SH3GLB1: variants seen among roughly 807,000 people sequenced by gnomAD.
SH3GLB1 encodes SH3 domain containing GRB2 like, endophilin B1.
Under a neutral mutation model 42.0 loss-of-function variants are expected in SH3GLB1, and 17 were observed. The observed-to-expected ratio is 0.40, with a 90% CI of 0.28 to 0.61. The LOEUF is 0.61. Among genes scored for constraint, SH3GLB1 ranks in the 20% least tolerant of loss-of-function variants. SH3GLB1 has a pLI of 0.36. For synonymous variants in SH3GLB1, 132 were observed against 146.6 expected (o/e 0.90, Z 0.72); for missense variants, 355 against 426.3 (o/e 0.83, Z 1.47).
rs1656242579 is a variant in SH3GLB1, at chr1:86,745,186, T to G, written c.*1951T>G. 6.6e-6 allele frequency: 1 copy of G among 152,234 alleles called. No homozygotes were observed. Among genetic ancestry groups the G allele is most frequent in the Admixed American group, 6.5e-5 (1 of 15,284 alleles). 9.4% of individuals were successfully genotyped at this position (152,234 alleles called of 1,614,324 possible). On this transcript the variant is annotated 3_prime_UTR_variant, in exon 9 of 9. Transcript: ENST00000370558. ...CCAGTCTTCCTCACATATTGTGCTC[T>G]TTAAGCTTCAAATGAGATGTATAAC...
intron 3 of SH3GLB1, among the ~76,000 whole-genome samples, chr1:86,720,155 T>C (rs1654789781): frequency 6.6e-6 from 1 of 152,328 alleles, no homozygotes; most frequent in Non-Finnish European, 1.5e-5. Flanking sequence ...AGAATTCACA[T>C]CTTTTTTAGT....
rs182289439 is a variant in SH3GLB1, at chr1:86,735,350, A to G, written c.761+171A>G. On this transcript the variant is annotated intron_variant, in intron 7 of 8. Transcript: ENST00000370558. Reference sequence around the variant, plus strand: ...TTTTCTGAGGTAACAGAATATTTTGAGCTTTTCTGGCACAGAGGCATGTTA... The same window carrying G: ...TTTTCTGAGGTAACAGAATATTTTGGGCTTTTCTGGCACAGAGGCATGTTA... Among the ~76,000 whole-genome samples the G allele has an allele frequency of 4.1e-4, 62 of 152,270 alleles. No homozygotes were observed. In the East Asian group the frequency reaches 0.011, roughly 27 times the overall value.
intron 5 of SH3GLB1, 46 bp from the exon 6 acceptor site, chr1:86,734,556 G>A: frequency 7.3e-7 from 1 of 1,360,564 alleles, no homozygotes; most frequent in Non-Finnish European, 1.0e-6. Context: ...TATATAAGAT[G>A]GACTGAGTCT....
intron 5 of SH3GLB1, among the ~76,000 whole-genome samples, chr1:86,724,913 AAAATATATAATATATATGTGTGTG>A (rs1655105278): frequency 8.2e-6 from 1 of 122,478 alleles, no homozygotes; most frequent in African/African-American, 3.8e-5. Context: ...ATATATATAT[AAAATATATAATATATATGTGTGTG>A]TATATATATA....
At chr1:86,724,914 A>AT (rs1558315388) in intron 5 of SH3GLB1, among the ~76,000 whole-genome samples, 4 of 119,964 alleles carry the variant, frequency 3.3e-5, no homozygotes, top group African/African-American at 1.6e-4. Context: ...TATATATATA[A>AT]AATATATAAT....
intron 7 of SH3GLB1, among the ~76,000 whole-genome samples, chr1:86,736,456 C>T (rs536003352): frequency 4.6e-5 from 7 of 152,228 alleles, no homozygotes; most frequent in Non-Finnish European, 7.4e-5. Flanking sequence ...TATACAGGAG[C>T]ATTTACATAA....
At position 86,704,660 on chromosome 1, in the gene SH3GLB1, G is replaced by A. The variant is rs1384862675; in HGVS notation, c.-240G>A. ...CGCGGGGCCCATCGTCGACGTTAGC[G>A]GCCGTTCTCCGAGCCGACTGACCCA... On this transcript the variant is annotated 5_prime_UTR_variant, in exon 1 of 9. Coordinates refer to ENST00000370558, the MANE Select transcript of SH3GLB1 (RefSeq NM_016009.5). The A allele has an allele frequency of 1.9e-5, 7 of 368,942 alleles. No homozygotes were observed. The highest frequency in any genetic ancestry group is 3.5e-5 in the Non-Finnish European group (7 of 202,094). 22.9% of individuals were successfully genotyped at this position (368,942 alleles called of 1,614,324 possible).
intron 7 of SH3GLB1, among the ~76,000 whole-genome samples, 200 bp from the exon 8 acceptor site, chr1:86,742,008 A>G (rs1274415793): frequency 1.3e-5 from 2 of 152,194 alleles, no homozygotes; most frequent in Admixed American, 1.3e-4. Flanking sequence ...TTATATTTGA[A>G]TACCACCTGA....
intron 7 of SH3GLB1, among the ~76,000 whole-genome samples, chr1:86,741,497 T>A (rs141714620): frequency 7.2e-5 from 11 of 152,196 alleles, no homozygotes; most frequent in African/African-American, 2.7e-4. Context: ...TAATTTCTAA[T>A]AGAAAATTTT....
At chr1:86,725,728 T>G (rs1488233683) in intron 5 of SH3GLB1, among the ~76,000 whole-genome samples, 1 of 152,146 alleles carries the variant, frequency 6.6e-6, no homozygotes, top group Non-Finnish European at 1.5e-5. Context: ...GAAAATTGGT[T>G]TAGAGTGAAA....
rs1182695996 is a variant in SH3GLB1 at position 86,745,514 on chromosome 1, C to CA, written c.*2280dup. The CA allele has an allele frequency of 6.6e-6, 1 of 152,166 alleles. No individual in the cohort carries two copies. Among genetic ancestry groups the CA allele is most frequent in the Non-Finnish European group, 1.5e-5 (1 of 68,034 alleles). 9.4% of individuals were successfully genotyped at this position (152,166 alleles called of 1,614,324 possible). On this transcript the variant is annotated 3_prime_UTR_variant, in exon 9 of 9. Transcript: ENST00000370558. The stretch of plus-strand genomic sequence containing the variant: ...TCAGACCCCAGGTTTAACCTTCCCA[C>CA]AGTCAGTATAAATCATTTTTCAGAA...
In SH3GLB1 at chr1:86,715,687, G is replaced by A. The variant is rs774834975; in HGVS notation, c.73-37G>A. The A allele has an allele frequency of 1.3e-5, 20 of 1,555,650 alleles. No individual in the cohort carries two copies. In the South Asian group the frequency reaches 2.3e-4, roughly 18 times the overall value. On this transcript the variant is annotated intron_variant, in intron 1 of 8. Coordinates refer to ENST00000370558, the MANE Select transcript of SH3GLB1 (RefSeq NM_016009.5). ...TGATATGGTTCCCTAAAATTTATTTGCAGTATATTTAATTTTTGTTTTACA... is the reference window on the plus strand; with the variant it reads ...TGATATGGTTCCCTAAAATTTATTTACAGTATATTTAATTTTTGTTTTACA...
intron 5 of SH3GLB1, among the ~76,000 whole-genome samples, chr1:86,727,061 CTT>C (rs1199888833): frequency 2.0e-5 from 3 of 151,916 alleles, no homozygotes; most frequent in Admixed American, 2.0e-4. Context: ...TCTTGTGACT[CTT>C]TTTAAGTTCT....
chr1:86,742,120 G>T, intron 7 of SH3GLB1, 88 bp from the exon 8 acceptor site: 2 of 843,648 alleles, frequency 2.4e-6, no homozygotes, highest in Non-Finnish European at 3.9e-6. Flanking sequence ...TGTGAAGGTT[G>T]GTAGAAAGTA....
At chr1:86,723,574 A>G (rs1654989107) in intron 4 of SH3GLB1, among the ~76,000 whole-genome samples, 1 of 152,194 alleles carries the variant, frequency 6.6e-6, no homozygotes, top group Admixed American at 6.5e-5. Context: ...ATGAAATTTG[A>G]CATATGGAAT....
At chr1:86,732,817 A>G (rs553896762) in intron 5 of SH3GLB1, among the ~76,000 whole-genome samples, 1 of 152,210 alleles carries the variant, frequency 6.6e-6, no homozygotes, top group South Asian at 2.1e-4. Context: ...TACCTAGTTT[A>G]CTTGCTTATT....
intron 7 of SH3GLB1, among the ~76,000 whole-genome samples, chr1:86,735,613 G>T (rs1655743942): frequency 6.6e-6 from 1 of 152,094 alleles, no homozygotes; most frequent in Non-Finnish European, 1.5e-5. Flanking sequence ...TGATTATTTT[G>T]AGTATGTTAA....
At chr1:86,724,956 A>ACACATATGTATATAT (rs1229481962) in intron 5 of SH3GLB1, among the ~76,000 whole-genome samples, 2 of 144,132 alleles carry the variant, frequency 1.4e-5, no homozygotes, top group African/African-American at 5.2e-5. Context: ...TAAAATATAT[A>ACACATATGTATATAT]ATACATATGT....
chr1:86,706,262 A>G (rs555674369), intron 1 of SH3GLB1, among the ~76,000 whole-genome samples: 1 of 152,366 alleles, frequency 6.6e-6, no homozygotes, highest in East Asian at 1.9e-4. Flanking sequence ...TAAGCATTCC[A>G]GATTTAAGAT....
Sources: allele counts gnomAD v4.1 joint callset (sites outside exome capture counted in the v4.1 genomes callset), GRCh38; gene constraint gnomAD v4.1.1; transcripts MANE v1.5; gene names NCBI Gene and HGNC (gene_info 2026-07-23, HGNC 2026-07-21).